PIKFYVE: variants seen among roughly 807,000 people sequenced by gnomAD.
The protein encoded by PIKFYVE is phosphoinositide kinase, FYVE-type zinc finger containing.
A neutral mutation model predicts 257.9 loss-of-function variants in PIKFYVE; 122 were observed. The observed-to-expected ratio is 0.47, with a 90% confidence interval of 0.41 to 0.55. The LOEUF is 0.55. PIKFYVE is among the 20% of genes least tolerant of loss of function. The pLI is 0.00. For missense variants in PIKFYVE, 2,160 were observed against 2,536.6 expected (o/e 0.85, Z 3.19); for synonymous variants, 892 against 868.9 (o/e 1.03, Z -0.47).
chr2:208,334,760 T>C (rs922754183), intron 24 of PIKFYVE, among the ~76,000 whole-genome samples: 3 of 152,238 alleles, frequency 2.0e-5, no homozygotes, highest in African/African-American at 4.8e-5. Flanking sequence ...GTTAGTGTTA[T>C]ATCCTCAGCA....
intron 21 of PIKFYVE, 86 bp downstream of exon 21, chr2:208,328,366 A>G (rs754859017): frequency 3.9e-5 from 60 of 1,537,608 alleles, no homozygotes; most frequent in Admixed American, 5.1e-5. Flanking sequence ...AACAGTCATT[A>G]GGACCTGTAT....
chr2:208,353,928 C>T lies in PIKFYVE; in HGVS notation c.5875C>T (p.Arg1959Trp). 6.2e-7 allele frequency: 1 copy of T among 1,613,890 alleles called. No homozygotes were observed. Among genetic ancestry groups the T allele is most frequent in the Non-Finnish European group, 8.5e-7 (1 of 1,179,926 alleles). ...TGATTTGAAGGGCTCTCTTAGGAAT[C>T]GGAATGTAAAAACTGACACTGGAAA... ...VFDLKGSLRNRNVKTDTGKES... is the reference protein window; with the variant it reads ...VFDLKGSLRNWNVKTDTGKES... Residue 1959 changes from arginine to tryptophan, a missense_variant, in exon 40 of 42, where the codon CGG (arginine) becomes TGG (tryptophan). By Grantham distance (101) the Arg-to-Trp change is moderately radical. Coordinates refer to ENST00000264380, the MANE Select transcript of PIKFYVE (RefSeq NM_015040.4).
At chr2:208,287,025 T>A (rs1030761978) in intron 6 of PIKFYVE, among the ~76,000 whole-genome samples, 4 of 152,146 alleles carry the variant, frequency 2.6e-5, no homozygotes, top group African/African-American at 9.7e-5. Flanking sequence ...TATGTATGAA[T>A]CTCAGGGACA....
rs999890 is a variant in PIKFYVE, at chr2:208,325,908, T to G, written c.3097T>G (p.Ser1033Ala). 0.13 allele frequency: 216,296 copies of G among 1,612,464 alleles called. 15,306 individuals are homozygous for G. The highest frequency in any genetic ancestry group is 0.14 in the Non-Finnish European group (168,640 of 1,178,542). Residue 1033 changes from serine (S) to alanine (A), a missense_variant, in exon 20 of 42, where the codon TCC (serine) becomes GCC (alanine). Ser to Ala is a moderately conservative substitution (Grantham distance 99). Coordinates refer to ENST00000264380, the MANE Select transcript of PIKFYVE (RefSeq NM_015040.4). ...ATTATATGTTACTGAGGAAGTCACC[T>G]CCTCTGAAGATAAACGAAAGACTTA... ...TGLYVTEEVT[S>A]SEDKRKTYSL...
intron 8 of PIKFYVE, among the ~76,000 whole-genome samples, chr2:208,300,634 C>T (rs985772480): frequency 2.0e-5 from 3 of 152,204 alleles, no homozygotes; most frequent in African/African-American, 4.8e-5. Flanking sequence ...TTGTCTCCCT[C>T]TGCCTTGCCC....
chr2:208,336,314 A>G, intron 27 of PIKFYVE, 114 bp downstream of exon 27: 1 of 1,267,302 alleles, frequency 7.9e-7, no homozygotes, highest in South Asian at 1.2e-5. Context: ...CTCAAGTTAA[A>G]GAGCCTTTTG....
intron 16 of PIKFYVE, among the ~76,000 whole-genome samples, chr2:208,319,060 G>A (rs755774701): frequency 1.1e-4 from 16 of 151,458 alleles, no homozygotes; most frequent in Non-Finnish European, 2.1e-4. Flanking sequence ...AAACCTTGCT[G>A]TGCTTCAGAA....
chr2:208,291,958 T>C (rs1364992094), intron 7 of PIKFYVE, among the ~76,000 whole-genome samples: 1 of 152,166 alleles, frequency 6.6e-6, no homozygotes, highest in Admixed American at 6.5e-5. Flanking sequence ...TAAGCACTGC[T>C]TTCTGTTGCA....
rs749313261 is a variant in PIKFYVE, at chr2:208,325,864, C to T, written c.3053C>T (p.Pro1018Leu). ...AGCCAGATAAGAGCCTTTAGAGACCCTCTACAGGATGACACTGGATTATAT... is the reference window on the plus strand; with the variant it reads ...AGCCAGATAAGAGCCTTTAGAGACCTTCTACAGGATGACACTGGATTATAT... ...PKSQIRAFRD[P>L]LQDDTGLYVT... is the part of the protein sequence containing the mutation. Residue 1018 changes from proline to leucine, a missense_variant, in exon 20 of 42, where the codon CCT becomes CTT. This residue lies in a region of PIKFYVE where 522 missense variants were observed against 514.6 expected (regional missense o/e 1.01). Transcript: ENST00000264380. 1.2e-6 allele frequency: 2 copies of T among 1,614,074 alleles called. No homozygotes were observed. The highest frequency in any genetic ancestry group is 2.2e-5 in the East Asian group (1 of 44,874).
At chr2:208,350,410 TC>T (rs1459652354) in intron 36 of PIKFYVE, among the ~76,000 whole-genome samples, 2 of 152,182 alleles carry the variant, frequency 1.3e-5, no homozygotes, top group African/African-American at 4.8e-5. Flanking sequence ...AAACGTATTA[TC>T]CAGAATAATA....
At chr2:208,310,363 T>G (rs1694811879) in intron 12 of PIKFYVE, among the ~76,000 whole-genome samples, 1 of 152,216 alleles carries the variant, frequency 6.6e-6, no homozygotes, top group African/African-American at 2.4e-5. Flanking sequence ...TAAAATTGGT[T>G]GAAATATCTG....
intron 20 of PIKFYVE, among the ~76,000 whole-genome samples, chr2:208,326,715 GACA>G (rs1246513423): frequency 6.6e-6 from 1 of 152,108 alleles, no homozygotes; most frequent in Non-Finnish European, 1.5e-5. Context: ...TAAAATTTCT[GACA>G]ACATGACTTG....
chr2:208,289,364 C>T (rs1187723429), intron 7 of PIKFYVE, among the ~76,000 whole-genome samples: 1 of 152,096 alleles, frequency 6.6e-6, no homozygotes, highest in East Asian at 1.9e-4. Context: ...ATGTATTTTT[C>T]ATTAAGATTT....
Position 208,328,294 on chromosome 2 carries a change from C to A in PIKFYVE, c.3719+14C>A, listed in dbSNP as rs765598840. 2.2e-5 allele frequency: 35 copies of A among 1,613,190 alleles called. No homozygotes were observed. In the Admixed American group the frequency reaches 2.3e-4, roughly 11 times the overall value. On this transcript the variant is annotated intron_variant, in intron 21 of 41. Coordinates refer to ENST00000264380, the MANE Select transcript of PIKFYVE (RefSeq NM_015040.4). The stretch of plus-strand genomic sequence containing the variant: ...TGTCAGTCCTTGGTAGGATTCTTTT[C>A]CCCCTACACTATTCCACATAAGAAC...
Position 208,322,385 on chromosome 2 carries a change from A to AC in PIKFYVE, c.2191-1757_2191-1756insC, listed in dbSNP as rs1381124303. ...GAGACCCTGTCTCTTAAAAAAAAAA[A>AC]AAAAAAAAAAAAACTTAGAAATTGC... On this transcript the variant is annotated intron_variant, in intron 17 of 41. Coordinates refer to ENST00000264380, the MANE Select transcript of PIKFYVE (RefSeq NM_015040.4). 6.6e-5 allele frequency among the ~76,000 whole-genome samples: 10 copies of AC among 150,566 alleles called. No individual in the cohort carries two copies. In the South Asian group the frequency reaches 1.9e-3, roughly 28 times the overall value.
chr2:208,351,735 G>A (rs990367533), intron 38 of PIKFYVE, among the ~76,000 whole-genome samples: 1 of 152,116 alleles, frequency 6.6e-6, no homozygotes, highest in Non-Finnish European at 1.5e-5. Flanking sequence ...GCAAGAGAGC[G>A]GGGTTGGGGG....
Position 208,328,425 on chromosome 2 carries a change from A to T in PIKFYVE, c.3719+145A>T, listed in dbSNP as rs952234549. 2.9e-5 allele frequency: 28 copies of T among 962,892 alleles called. No homozygotes were observed. The East Asian group carries it at 7.4e-4, about 25-fold the overall frequency. 59.6% of individuals were successfully genotyped at this position (962,892 alleles called of 1,614,324 possible). ...TCATATATGAATTGATAGAACTTTT[A>T]AACTTGTGAAGTAAATATGAAAATA... is the stretch of plus-strand genomic sequence containing the variant. On this transcript the variant is annotated intron_variant, in intron 21 of 41. Coordinates refer to ENST00000264380, the MANE Select transcript of PIKFYVE (RefSeq NM_015040.4).
chr2:208,349,209 A>G (rs1699529175), intron 35 of PIKFYVE, among the ~76,000 whole-genome samples: 1 of 152,152 alleles, frequency 6.6e-6, no homozygotes, highest in African/African-American at 2.4e-5. Context: ...CTAGTAATTA[A>G]GATATCTGTT....
chr2:208,279,685 C>A (rs1196586475), intron 5 of PIKFYVE, among the ~76,000 whole-genome samples: 1 of 136,154 alleles, frequency 7.3e-6, no homozygotes, highest in Non-Finnish European at 1.6e-5. Context: ...TTTTTGTTGA[C>A]TTTGTTGAAG....
Sources: allele counts gnomAD v4.1 joint callset (sites outside exome capture counted in the v4.1 genomes callset), GRCh38; gene constraint gnomAD v4.1.1; regional missense constraint gnomAD v4.1.1; transcripts MANE v1.5; gene names NCBI Gene and HGNC (gene_info 2026-07-23, HGNC 2026-07-21).